The following ZFYVE9 variants were observed in gnomAD, a reference collection of about 807,000 sequenced individuals.
The protein encoded by ZFYVE9 is zinc finger FYVE-type containing 9, also known as zinc finger FYVE domain-containing protein 9.
In ZFYVE9, 43 loss-of-function variants were observed where a neutral mutation model predicts 126.7. The observed-to-expected ratio is 0.34, with a 90% CI of 0.27 to 0.44. The LOEUF is 0.44. Among genes scored for constraint, ZFYVE9 ranks in the 20% least tolerant of loss-of-function variants. The probability of loss-of-function intolerance (pLI) is 1.00; values close to 1 mark genes in which losing one functional copy is unlikely to be tolerated. For synonymous variants in ZFYVE9, 521 were observed against 597.4 expected, an observed-to-expected ratio of 0.87 and a Z score of 1.87; for missense variants, 1,476 against 1,697.0, an observed-to-expected ratio of 0.87 and a Z score of 2.29.
chr1:52,224,987 C>T (rs1028716236), intron 2 of ZFYVE9, among the ~76,000 whole-genome samples: 1 of 152,034 alleles, frequency 6.6e-6, no homozygotes, highest in Admixed American at 6.6e-5. Context: ...TGGTGTAATC[C>T]CCTGACTGGA....
chr1:52,260,225 C>G (rs543532974), intron 4 of ZFYVE9, among the ~76,000 whole-genome samples: 289 of 152,160 alleles, frequency 1.9e-3, no homozygotes, highest in Non-Finnish European at 3.5e-3. Context: ...CTTTGCTAGT[C>G]TCATAGTAAA....
intron 1 of ZFYVE9, among the ~76,000 whole-genome samples, chr1:52,158,399 G>C (rs1253880451): frequency 6.6e-6 from 1 of 152,228 alleles, no homozygotes; most frequent in African/African-American, 2.4e-5. Context: ...GGGAGCCCCT[G>C]TGTTGCCTTG....
chr1:52,175,387 TG>T (rs1644616299), intron 1 of ZFYVE9, among the ~76,000 whole-genome samples: 1 of 151,992 alleles, frequency 6.6e-6, no homozygotes, highest in African/African-American at 2.4e-5. Flanking sequence ...GTTAGTCTGA[TG>T]GGCTTCCCTT....
chr1:52,273,064 T>C (rs1300221311), intron 7 of ZFYVE9, among the ~76,000 whole-genome samples: 1 of 152,180 alleles, frequency 6.6e-6, no homozygotes, highest in Non-Finnish European at 1.5e-5. Flanking sequence ...CGGAGTGCAA[T>C]GGTGCGATCT....
chr1:52,198,061 A>G (rs1246765102), intron 1 of ZFYVE9, among the ~76,000 whole-genome samples: 6 of 150,678 alleles, frequency 4.0e-5, no homozygotes, highest in Non-Finnish European at 7.4e-5. Flanking sequence ...CTGGAAGAGC[A>G]CCTATAGGCA....
intron 1 of ZFYVE9, among the ~76,000 whole-genome samples, chr1:52,145,379 CA>C (rs1045225574): frequency 6.6e-6 from 1 of 152,140 alleles, no homozygotes; most frequent in Non-Finnish European, 1.5e-5. Context: ...TTGCAAGGCA[CA>C]AAGCTTGTTT....
In ZFYVE9 at chr1:52,239,209, C is replaced by T; in HGVS notation, c.1792C>T (p.His598Tyr). 6.2e-7 allele frequency: 1 copy of T among 1,614,090 alleles called. No homozygotes were observed. Among genetic ancestry groups the T allele is most frequent in the Non-Finnish European group, 8.5e-7 (1 of 1,180,006 alleles). The change falls in exon 4 of 19, where the codon CAT becomes TAT. Residue 598 changes from histidine (H) to tyrosine (Y), a missense_variant. Around this residue, in one of 2 missense-constraint regions of ZFYVE9, gnomAD observed 807 missense variants for 794.6 expected, o/e 1.02. Coordinates refer to ENST00000287727, the MANE Select transcript of ZFYVE9 (RefSeq NM_004799.4). ...TCAAATTCCAAAGCCATTATCAGAC[C>T]ATTTACAAAATGACTTTCCTGCAAA... ...KLQIPKPLSD[H>Y]LQNDFPANSG...
chr1:52,249,137 T>C (rs915233978), intron 4 of ZFYVE9, among the ~76,000 whole-genome samples: 1 of 152,178 alleles, frequency 6.6e-6, no homozygotes, highest in Admixed American at 6.5e-5. Flanking sequence ...ATGTGCTTGC[T>C]TCCCCCTTTG....
At chr1:52,181,558 G>A (rs1269568105) in intron 1 of ZFYVE9, among the ~76,000 whole-genome samples, 1 of 152,044 alleles carries the variant, frequency 6.6e-6, no homozygotes, top group Non-Finnish European at 1.5e-5. Context: ...TCTGGGATGT[G>A]AGGAGCCCCT....
At chr1:52,304,563 G>A (rs1169652523) in intron 13 of ZFYVE9, among the ~76,000 whole-genome samples, 1 of 151,754 alleles carries the variant, frequency 6.6e-6, no homozygotes, top group Non-Finnish European at 1.5e-5. Flanking sequence ...GTGCCCAGCC[G>A]GGTTTCTTTG....
intron 1 of ZFYVE9, among the ~76,000 whole-genome samples, chr1:52,178,726 A>G (rs114683641): frequency 0.012 from 1,878 of 152,312 alleles, 35 homozygotes; most frequent in African/African-American, 0.043. Context: ...TGGGGAAACT[A>G]TTGAAGAAAA....
At position 52,239,193 on chromosome 1, in the gene ZFYVE9, A is replaced by C; in HGVS notation, c.1776A>C (p.Pro592=). 6.2e-7 allele frequency: 1 copy of C among 1,614,112 alleles called. No individual in the cohort carries two copies. The highest frequency in any genetic ancestry group is 8.5e-7 in the Non-Finnish European group (1 of 1,179,996). ...CTTCTAATCTTAAACTTCAAATTCC[A>C]AAGCCATTATCAGACCATTTACAAA... ...KQPSNLKLQI[P]KPLSDHLQND... is the part of the protein sequence containing the mutation. The change falls in exon 4 of 19, where the codon CCA becomes CCC. Residue 592 remains proline, a synonymous_variant. Transcript: ENST00000287727.
At chr1:52,167,422 A>G (rs1644523727) in intron 1 of ZFYVE9, among the ~76,000 whole-genome samples, 1 of 152,200 alleles carries the variant, frequency 6.6e-6, no homozygotes. Context: ...CCTTGGATGG[A>G]TAAATGAAAT....
intron 13 of ZFYVE9, among the ~76,000 whole-genome samples, chr1:52,305,069 T>C (rs1646069777): frequency 6.6e-6 from 1 of 152,230 alleles, no homozygotes. Context: ...ATTTCTCAAA[T>C]TTGAAATATT....
rs1208215103 is a variant in ZFYVE9, at chr1:52,346,097, C to G, written c.4154C>G (p.Pro1385Arg). 2 of 1,610,700 alleles carry G rather than the reference C, an allele frequency of 1.2e-6. No homozygotes were observed. The highest frequency in any genetic ancestry group is 1.7e-6 in the Non-Finnish European group (2 of 1,177,544). The change falls in exon 19 of 19, where the codon CCC (proline) becomes CGC (arginine). Residue 1385 changes from proline to arginine, a missense_variant. By Grantham distance (103) the Pro-to-Arg change is moderately radical. Around this residue, in one of 2 missense-constraint regions of ZFYVE9, gnomAD observed 669 missense variants for 902.4 expected, o/e 0.74. Transcript: ENST00000287727. ...YQAGSNGQPL[P>R]SQYMNDLDSA... ...GCAGGGAGCAATGGCCAGCCCCTTC[C>G]CTCGCAGTACATGAATGATCTGGAC... is the stretch of plus-strand genomic sequence containing the variant.
At position 52,233,226 on chromosome 1, in the gene ZFYVE9, C is replaced by T; in HGVS notation, c.20C>T (p.Ala7Val). 1 of 1,582,450 alleles carries T rather than the reference C, an allele frequency of 6.3e-7. No homozygotes were observed. The highest frequency in any genetic ancestry group is 8.6e-7 in the Non-Finnish European group (1 of 1,161,804). MENYFQ[A>V]EAYNLDKVLD... Reference sequence around the variant, plus strand: ...TCACCGATGGAGAATTACTTCCAAGCAGAAGCTTACAACCTGGACAAGGTG... The same window carrying T: ...TCACCGATGGAGAATTACTTCCAAGTAGAAGCTTACAACCTGGACAAGGTG... Residue 7 changes from alanine (A) to valine (V), a missense_variant, in exon 3 of 19, where the codon GCA becomes GTA. Transcript: ENST00000287727.
intron 4 of ZFYVE9, among the ~76,000 whole-genome samples, chr1:52,244,468 A>G (rs1645364696): frequency 6.6e-6 from 1 of 152,172 alleles, no homozygotes. Flanking sequence ...TAGTGGTGAG[A>G]GCATGAAGAA....
At chr1:52,240,243 T>C (rs1053533189) in intron 4 of ZFYVE9, among the ~76,000 whole-genome samples, 10 of 152,220 alleles carry the variant, frequency 6.6e-5, no homozygotes, top group African/African-American at 2.4e-4. Flanking sequence ...CTTTTTTGTT[T>C]GTTTGTTTAG....
At chr1:52,322,962 G>A (rs2820328) in intron 13 of ZFYVE9, among the ~76,000 whole-genome samples, 120,464 of 151,976 alleles carry the variant, frequency 0.79, 50,972 homozygotes, top group Non-Finnish European at 0.93. Context: ...CTGCCACCGC[G>A]CCCAGCTAAT....
Sources: allele counts gnomAD v4.1 joint callset (sites outside exome capture counted in the v4.1 genomes callset), GRCh38; gene constraint gnomAD v4.1.1; regional missense constraint gnomAD v4.1.1; transcripts MANE v1.5; gene names NCBI Gene and HGNC (gene_info 2026-07-23, HGNC 2026-07-21).